EPHA5: variants seen among roughly 807,000 people sequenced by gnomAD.
EPHA5 encodes EPH receptor A5.
EPHA5 carries 60 observed loss-of-function variants against 105.0 expected under a neutral mutation model. That is an observed-to-expected ratio of 0.57 (90% confidence interval 0.46 to 0.71). The LOEUF is 0.71. EPHA5 is among the 30% of genes least tolerant of loss of function. EPHA5 has a pLI of 0.00. For synonymous variants in EPHA5, 513 were observed against 449.1 expected, an observed-to-expected ratio of 1.14 and a Z score of -1.80; for missense variants, 1,218 against 1,274.7, an observed-to-expected ratio of 0.96 and a Z score of 0.68.
intron 11 of EPHA5, among the ~76,000 whole-genome samples, chr4:65,362,928 T>G (rs75077624): frequency 0.025 from 3,806 of 151,774 alleles, 97 homozygotes; most frequent in Non-Finnish European, 0.034. Context: ...TAAATAAGAC[T>G]TTTGAACCAA....
chr4:65,664,022 G>A (rs766054450), intron 1 of EPHA5, among the ~76,000 whole-genome samples: 3 of 151,776 alleles, frequency 2.0e-5, no homozygotes, highest in Non-Finnish European at 4.4e-5. Flanking sequence ...ATTTAAAATT[G>A]CTACACTGCT....
At chr4:65,545,734 A>G (rs1431937324) in intron 3 of EPHA5, among the ~76,000 whole-genome samples, 1 of 151,946 alleles carries the variant, frequency 6.6e-6, no homozygotes, top group Non-Finnish European at 1.5e-5. Context: ...TGCCACACAT[A>G]TAAATTACCA....
intron 2 of EPHA5, among the ~76,000 whole-genome samples, chr4:65,618,205 C>T (rs1302127341): frequency 6.6e-6 from 1 of 152,096 alleles, no homozygotes; most frequent in Admixed American, 6.6e-5. Flanking sequence ...TGCCAATTCA[C>T]TTGGTCCAAA....
chr4:65,351,730 GATTGGA>G, intron 12 of EPHA5, 132 bp from the exon 13 acceptor site: 1 of 753,366 alleles, frequency 1.3e-6, no homozygotes, highest in South Asian at 1.8e-5. Context: ...ATCTGAAGGA[GATTGGA>G]AAATGGTAGG....
At chr4:65,444,093 A>G (rs187454656) in intron 5 of EPHA5, among the ~76,000 whole-genome samples, 1 of 152,302 alleles carries the variant, frequency 6.6e-6, no homozygotes, top group Non-Finnish European at 1.5e-5. Flanking sequence ...TAGTAATTTT[A>G]CTAATGTTGC....
At chr4:65,348,847 G>C (rs528841808) in intron 13 of EPHA5, among the ~76,000 whole-genome samples, 55 of 107,484 alleles carry the variant, frequency 5.1e-4, no homozygotes, top group Admixed American at 9.1e-4. Context: ...ACAGGGTCTC[G>C]CTCTGTCTCC....
intron 5 of EPHA5, among the ~76,000 whole-genome samples, chr4:65,472,602 G>A (rs1729398764): frequency 6.6e-6 from 1 of 152,106 alleles, no homozygotes; most frequent in South Asian, 2.1e-4. Context: ...GCTAAGGCTT[G>A]GGGCTTGCAC....
intron 7 of EPHA5, among the ~76,000 whole-genome samples, chr4:65,409,095 A>C (rs1251900619): frequency 1.4e-5 from 2 of 143,374 alleles, no homozygotes; most frequent in African/African-American, 2.6e-5. Flanking sequence ...CAAGAACAAA[A>C]AACCAAACAC....
Position 65,669,634 on chromosome 4 carries a change from G to T in EPHA5, c.109C>A (p.Arg37=), listed in dbSNP as rs368790458. Reference sequence around the variant, plus strand: ...AGAAGGCACGTCCAGAGGGGAGCCCGTCGAGGTGCAGAGTAGCAGCCGGCC... The same window carrying T: ...AGAAGGCACGTCCAGAGGGGAGCCCTTCGAGGTGCAGAGTAGCAGCCGGCC... ...SLAGCYSAPR[R]APLWTCLLLC... Residue 37 remains arginine (R), a synonymous_variant, in exon 1 of 17, where the codon CGG becomes AGG. Coordinates refer to ENST00000613740, the MANE Select transcript of EPHA5 (RefSeq NM_001281766.3). 9.1e-5 allele frequency: 128 copies of T among 1,413,110 alleles called. No homozygotes were observed. The highest frequency in any genetic ancestry group is 1.2e-4 in the Non-Finnish European group (124 of 1,077,488). The allele number at this position is 1,413,110 out of a possible 1,614,324, so 87.5% of individuals were successfully genotyped here. A position where few individuals can be genotyped will look rare whatever the true frequency, so the allele number is the denominator to read the frequency against.
At chr4:65,654,248 A>C (rs1748866095) in intron 1 of EPHA5, among the ~76,000 whole-genome samples, 1 of 151,850 alleles carries the variant, frequency 6.6e-6, no homozygotes, top group Non-Finnish European at 1.5e-5. Flanking sequence ...CTTGAAAAAA[A>C]AAAAAACAAA....
rs542484780 is a variant in EPHA5, at chr4:65,414,248, C to T, written c.1687+36G>A. The T allele has an allele frequency of 1.9e-5, 31 of 1,603,412 alleles. No individual in the cohort carries two copies. The South Asian group carries it at 2.9e-4, about 15-fold the overall frequency. On this transcript the variant is annotated intron_variant, in intron 7 of 16. Transcript: ENST00000613740. Reference sequence around the variant, plus strand: ...ACTGACTCTTTTCTGGTAACCATTACTGAGACATGAGCTGACAGTAATTAA... The same window carrying T: ...ACTGACTCTTTTCTGGTAACCATTATTGAGACATGAGCTGACAGTAATTAA...
At chr4:65,509,596 T>C (rs1232451236) in intron 3 of EPHA5, among the ~76,000 whole-genome samples, 1 of 152,204 alleles carries the variant, frequency 6.6e-6, no homozygotes, top group African/African-American at 2.4e-5. Context: ...TATTAGACTA[T>C]ATTGTAAAGC....
intron 1 of EPHA5, among the ~76,000 whole-genome samples, chr4:65,656,769 C>A (rs1000606548): frequency 2.0e-5 from 3 of 151,022 alleles, no homozygotes; most frequent in Non-Finnish European, 4.4e-5. Context: ...TGCACGCCAC[C>A]ATGTCCGGCT....
chr4:65,668,310 G>C (rs1750132449), intron 1 of EPHA5, among the ~76,000 whole-genome samples: 1 of 152,136 alleles, frequency 6.6e-6, no homozygotes, highest in Admixed American at 6.5e-5. Context: ...CACCACTGCT[G>C]CTTCATCTTT....
chr4:65,337,683 A>G (rs1257707569), intron 14 of EPHA5, among the ~76,000 whole-genome samples: 1 of 152,086 alleles, frequency 6.6e-6, no homozygotes, highest in East Asian at 1.9e-4. Context: ...ATTTGAAGTG[A>G]GTAGAGAATA....
rs936457486 is a variant in EPHA5, at chr4:65,465,850, T to A, written c.1402+24527A>T. On this transcript the variant is annotated intron_variant, in intron 5 of 16. Coordinates refer to ENST00000613740, the MANE Select transcript of EPHA5 (RefSeq NM_001281766.3). Reference sequence around the variant, plus strand: ...GTAAAATGATACAGAATCTATAATGTCATACATTCACTCGTTCACTCATTT... The same window carrying A: ...GTAAAATGATACAGAATCTATAATGACATACATTCACTCGTTCACTCATTT... Among the ~76,000 whole-genome samples, 3 of 152,214 alleles carry A rather than the reference T, an allele frequency of 2.0e-5. No individual in the cohort carries two copies. In the East Asian group the frequency reaches 5.8e-4, roughly 29 times the overall value.
intron 3 of EPHA5, among the ~76,000 whole-genome samples, chr4:65,509,052 CA>C (rs36116448): frequency 6.6e-6 from 1 of 152,196 alleles, no homozygotes; most frequent in African/African-American, 2.4e-5. Flanking sequence ...TTTAAATTAG[CA>C]AAACCAACTG....
chr4:65,342,553 T>A (rs1721831115), intron 14 of EPHA5, among the ~76,000 whole-genome samples: 2 of 151,822 alleles, frequency 1.3e-5, no homozygotes, highest in Non-Finnish European at 2.9e-5. Context: ...TATACATATG[T>A]ATATGTATGT....
chr4:65,554,279 A>G (rs1481623466), intron 3 of EPHA5, among the ~76,000 whole-genome samples: 1 of 149,218 alleles, frequency 6.7e-6, no homozygotes, highest in Non-Finnish European at 1.5e-5. Context: ...TATAATTAAA[A>G]TATCTTTTCC....
Sources: allele counts gnomAD v4.1 joint callset (sites outside exome capture counted in the v4.1 genomes callset), GRCh38; gene constraint gnomAD v4.1.1; transcripts MANE v1.5; gene names NCBI Gene and HGNC (gene_info 2026-07-23, HGNC 2026-07-21).